The following C9orf153 variants were observed in gnomAD, a reference collection of about 807,000 sequenced individuals.
C9orf153 encodes uncharacterized protein C9orf153.
C9orf153 carries 10 observed loss-of-function variants against 9.0 expected under a neutral mutation model. The ratio of observed to expected loss-of-function variants is 1.11; its 90% confidence interval spans 0.69 to 1.89. The LOEUF is 1.89. Ranked by LOEUF, C9orf153 falls within the 40% of genes most tolerant of loss-of-function variation. The pLI is 0.00. For missense variants in C9orf153, 108 were observed against 111.0 expected (o/e 0.97, Z 0.12); for synonymous variants, 35 against 37.3 (o/e 0.94, Z 0.23).
chr9:86,259,321 C>G (rs927609560), intron 1 of C9orf153, among the ~76,000 whole-genome samples: 1 of 152,046 alleles, frequency 6.6e-6, no homozygotes, highest in Non-Finnish European at 1.5e-5. Context: ...AGGCTCGGCC[C>G]GATCAACTGG....
intron 2 of C9orf153, among the ~76,000 whole-genome samples, chr9:86,229,232 T>C (rs1416181629): frequency 6.7e-6 from 1 of 149,140 alleles, no homozygotes; most frequent in Non-Finnish European, 1.5e-5. Context: ...GGCTGGATTG[T>C]TCTCTGGTTA....
At chr9:86,247,911 T>C (rs1824904923) in intron 1 of C9orf153, among the ~76,000 whole-genome samples, 1 of 152,138 alleles carries the variant, frequency 6.6e-6, no homozygotes, top group Admixed American at 6.5e-5. Flanking sequence ...CTGGGGATCA[T>C]TGGTCATCTG....
chr9:86,230,959 G>C (rs190523574), intron 1 of C9orf153, among the ~76,000 whole-genome samples: 184 of 152,310 alleles, frequency 1.2e-3, no homozygotes, highest in African/African-American at 4.3e-3. Context: ...CAGTGACATA[G>C]TGTGAGTGCC....
chr9:86,240,673 C>A (rs188208644), intron 1 of C9orf153, among the ~76,000 whole-genome samples: 2 of 150,106 alleles, frequency 1.3e-5, no homozygotes, highest in African/African-American at 4.9e-5. Context: ...CCACCGCAAC[C>A]GCACTAATTT....
At chr9:86,227,824 T>G in intron 3 of C9orf153, 31 bp downstream of exon 3, 1 of 1,587,992 alleles carries the variant, frequency 6.3e-7, no homozygotes, top group Non-Finnish European at 8.6e-7. Flanking sequence ...CAATCATGGA[T>G]GCTTGCTTCT....
In C9orf153 at chr9:86,238,395, C is replaced by T. The variant is rs560385385; in HGVS notation, c.-26-8766G>A. Among the ~76,000 whole-genome samples the T allele has an allele frequency of 7.9e-4, 121 of 152,314 alleles. 1 individual carries two copies. The highest frequency in any genetic ancestry group is 2.7e-3 in the African/African-American group (113 of 41,578). On this transcript the variant is annotated intron_variant, in intron 1 of 3. Coordinates refer to ENST00000339137, the MANE Select transcript of C9orf153 (RefSeq NM_001276366.4). ...ACCAGACTCCGGGCCATAAAACACA[C>T]ATGAATTAATTTAAAGGAATAGAAA... is the stretch of plus-strand genomic sequence containing the variant.
chr9:86,240,292 C>T (rs904388298), intron 1 of C9orf153, among the ~76,000 whole-genome samples: 1 of 151,738 alleles, frequency 6.6e-6, no homozygotes, highest in African/African-American at 2.4e-5. Flanking sequence ...TGAGAACCCA[C>T]AGTTTTATAT....
rs188294379 is a variant in C9orf153, at chr9:86,232,246, T to C, written c.-26-2617A>G. Among the ~76,000 whole-genome samples, 5 of 152,336 alleles carry C rather than the reference T, an allele frequency of 3.3e-5. No homozygotes were observed. The East Asian group carries it at 9.6e-4, about 29-fold the overall frequency. On this transcript the variant is annotated intron_variant, in intron 1 of 3. Coordinates refer to ENST00000339137, the MANE Select transcript of C9orf153 (RefSeq NM_001276366.4). ...ACCGTTGGGTGCATTTCCCTCTCAC[T>C]GAAGTGTCAGGATTCCGAATGCTGA...
At chr9:86,237,010 A>G (rs2131187566) in intron 1 of C9orf153, among the ~76,000 whole-genome samples, 1 of 152,000 alleles carries the variant, frequency 6.6e-6, no homozygotes, top group African/African-American at 2.4e-5. Flanking sequence ...TATAAAATGA[A>G]ACAAATGACA....
chr9:86,245,200 T>G (rs969670013), intron 1 of C9orf153, among the ~76,000 whole-genome samples: 1 of 152,242 alleles, frequency 6.6e-6, no homozygotes, highest in Non-Finnish European at 1.5e-5. Context: ...GTGCTGGGAT[T>G]ACAGGCATGA....
chr9:86,224,674 A>G (rs981947298), intron 3 of C9orf153, among the ~76,000 whole-genome samples: 3 of 151,892 alleles, frequency 2.0e-5, no homozygotes, highest in African/African-American at 7.3e-5. Context: ...AAATAGAGAC[A>G]TAAAAAGCAC....
chr9:86,239,594 C>T (rs905753065), intron 1 of C9orf153, among the ~76,000 whole-genome samples: 1 of 152,158 alleles, frequency 6.6e-6, no homozygotes, highest in African/African-American at 2.4e-5. Context: ...GGCTCAGCAG[C>T]AAACCCTTAC....
At chr9:86,234,124 G>A (rs550150295) in intron 1 of C9orf153, among the ~76,000 whole-genome samples, 4 of 152,242 alleles carry the variant, frequency 2.6e-5, no homozygotes, top group African/African-American at 7.2e-5. Flanking sequence ...CAATGCTACC[G>A]CAATGCCATA....
chr9:86,220,737 TTTC>T lies in C9orf153; in HGVS notation c.*948_*950del, dbSNP rs1417688096. 3.3e-5 allele frequency: 5 copies of T among 152,228 alleles called. No homozygotes were observed. The East Asian group carries it at 9.6e-4, about 29-fold the overall frequency. 9.4% of individuals were successfully genotyped at this position (152,228 alleles called of 1,614,324 possible). A position where few individuals can be genotyped will look rare whatever the true frequency, so the allele number is the denominator to read the frequency against. On this transcript the variant is annotated 3_prime_UTR_variant, in exon 4 of 4. Transcript: ENST00000339137. Reference sequence around the variant, plus strand: ...ATTTTTCAGTTCAAGGTCTCATGTGTTTCTTGAGATTTTTCTGTCATTTTATTT... The same window carrying T: ...ATTTTTCAGTTCAAGGTCTCATGTGTTTGAGATTTTTCTGTCATTTTATTT...
chr9:86,230,022 A>G lies in C9orf153; in HGVS notation c.-26-393T>C, dbSNP rs1824435045. Among the ~76,000 whole-genome samples the G allele has an allele frequency of 1.3e-5, 2 of 152,206 alleles. 1 individual carries two copies. The highest frequency in any genetic ancestry group is 4.1e-4 in the South Asian group (2 of 4,838). On this transcript the variant is annotated intron_variant, in intron 1 of 3. Transcript: ENST00000339137. ...CATGAGAACTCACAATCATGAGAAC[A>G]GCAAGGGGAAATCCTCCCCCATGAT...
intron 1 of C9orf153, among the ~76,000 whole-genome samples, chr9:86,247,637 G>T (rs1824899121): frequency 6.6e-6 from 1 of 152,118 alleles, no homozygotes; most frequent in Non-Finnish European, 1.5e-5. Context: ...CCATGATCAT[G>T]CCTCTCCACA....
intron 3 of C9orf153, among the ~76,000 whole-genome samples, chr9:86,223,416 C>T (rs1024610446): frequency 6.6e-6 from 1 of 152,014 alleles, no homozygotes; most frequent in Non-Finnish European, 1.5e-5. Context: ...TGCAGTGAGC[C>T]GAGATCGTGC....
At chr9:86,231,116 A>G (rs1302918368) in intron 1 of C9orf153, among the ~76,000 whole-genome samples, 1 of 152,196 alleles carries the variant, frequency 6.6e-6, no homozygotes, top group Non-Finnish European at 1.5e-5. Context: ...AGATAAAGCC[A>G]TCTTGGTTCA....
rs185736843 is a variant in C9orf153 at position 86,227,068 on chromosome 9, A to G, written c.242+787T>C. On this transcript the variant is annotated intron_variant, in intron 3 of 3. Coordinates refer to ENST00000339137, the MANE Select transcript of C9orf153 (RefSeq NM_001276366.4). ...GGCATGAGCCACCATGCCTGGCCCA[A>G]CAATATATCTTTTTAAGAGTGAATC... Among the ~76,000 whole-genome samples, 573 of 152,276 alleles carry G rather than the reference A, an allele frequency of 3.8e-3. 7 individuals are homozygous for G. Among genetic ancestry groups the G allele is most frequent in the African/African-American group, 0.013 (550 of 41,574 alleles).
Sources: gnomAD v4.1 joint callset for allele counts (sites outside exome capture counted in the v4.1 genomes callset) on GRCh38, gnomAD v4.1.1 for gene constraint, MANE v1.5 for transcripts, NCBI Gene and HGNC (gene_info 2026-07-23, HGNC 2026-07-21) for gene names.